The following ASB18 variants were observed in gnomAD, a reference collection of about 807,000 sequenced individuals.
ASB18 encodes the protein ankyrin repeat and SOCS box protein 18.
A neutral mutation model predicts 33.4 loss-of-function variants in ASB18; 33 were observed. The ratio of observed to expected loss-of-function variants is 0.99; its 90% CI spans 0.75 to 1.32. The LOEUF is 1.32. Ranked by LOEUF, ASB18 falls within the 40% of genes most tolerant of loss-of-function variation. The pLI is 0.00. For synonymous variants in ASB18, 295 were observed against 307.6 expected (o/e 0.96, Z 0.43); for missense variants, 694 against 655.5 (o/e 1.06, Z -0.64).
At position 236,255,517 on chromosome 2, in the gene ASB18, T is replaced by TTGCA. The variant is rs772129011; in HGVS notation, c.205+8620_205+8623dup. On this transcript the variant is annotated intron_variant, in intron 1 of 5. Transcript: ENST00000409749. The surrounding 1 kb of genome is among the most constrained non-coding windows in gnomAD (Gnocchi z 4.4). The stretch of plus-strand genomic sequence containing the variant: ...TGTATTTCTTTTTCAGGTGGGCACA[T>TTGCA]TGCATGCCACAGGGATTTTGCTGGT... 6.6e-6 allele frequency among the ~76,000 whole-genome samples: 1 copy of TTGCA among 152,134 alleles called. No individual in the cohort carries two copies. Among genetic ancestry groups the TTGCA allele is most frequent in the Non-Finnish European group, 1.5e-5 (1 of 68,024 alleles).
chr2:236,241,433 C>A lies in ASB18; in HGVS notation c.206-31G>T. 6.2e-7 allele frequency: 1 copy of A among 1,613,676 alleles called. No individual in the cohort carries two copies. The highest frequency in any genetic ancestry group is 8.5e-7 in the Non-Finnish European group (1 of 1,179,724). ...ACCAGGGCAGTGTGGTACTCCTGCA[C>A]CGGGGACCCTGCTCTAGCTTGAGGA... On this transcript the variant is annotated intron_variant, in intron 1 of 5. Transcript: ENST00000409749. The surrounding 1 kb of genome is among the most constrained non-coding windows in gnomAD (Gnocchi z 4.2).
chr2:236,202,794 A>AAAAAAATATAG (rs1553599229), intron 4 of ASB18, among the ~76,000 whole-genome samples: 1 of 117,686 alleles, frequency 8.5e-6, no homozygotes, highest in Non-Finnish European at 1.7e-5. Flanking sequence ...AAAAAAAAAA[A>AAAAAAATATAG]ATATATATAT....
Position 236,235,346 on chromosome 2 carries a change from T to C in ASB18, c.596+2343A>G, listed in dbSNP as rs1368892900. On this transcript the variant is annotated intron_variant, in intron 3 of 5. Coordinates refer to ENST00000409749, the MANE Select transcript of ASB18 (RefSeq NM_212556.4). This position sits in a 1 kb window ranked among gnomAD's most constrained non-coding sequence, Gnocchi z 6.2. ...GTTTGTAGCCTGGGAGCCAGAGGCT[T>C]AATCATATAGCCTAGGTGGGCAGTA... 6.6e-6 allele frequency among the ~76,000 whole-genome samples: 1 copy of C among 152,242 alleles called. No homozygotes were observed. The highest frequency in any genetic ancestry group is 6.5e-5 in the Admixed American group (1 of 15,288).
At chr2:236,201,035 A>G (rs1348169107) in intron 4 of ASB18, among the ~76,000 whole-genome samples, 1 of 152,148 alleles carries the variant, frequency 6.6e-6, no homozygotes, top group African/African-American at 2.4e-5. Context: ...AATAAAGGCA[A>G]CTTTCAAAAT....
rs2060504957 is a variant in ASB18 at position 236,220,273 on chromosome 2, A to G, written c.597-5407T>C. ...TTTCCTAGTCCCTTCCCAGGGCACA[A>G]GGCCTGGAGGCCTCAGCCTGGGCTC... On this transcript the variant is annotated intron_variant, in intron 3 of 5. Transcript: ENST00000409749. This position sits in a 1 kb window ranked among gnomAD's most constrained non-coding sequence, Gnocchi z 5.1. 6.6e-6 allele frequency among the ~76,000 whole-genome samples: 1 copy of G among 152,170 alleles called. No homozygotes were observed. Among genetic ancestry groups the G allele is most frequent in the South Asian group, 2.1e-4 (1 of 4,824 alleles).
chr2:236,220,921 A>G lies in ASB18; in HGVS notation c.597-6055T>C, dbSNP rs1576400835. The stretch of plus-strand genomic sequence containing the variant: ...TCACTCCACAGGAATTCCTGGACAG[A>G]CTCACCGACAGGACACTGAAGGCAG... On this transcript the variant is annotated intron_variant, in intron 3 of 5. Coordinates refer to ENST00000409749, the MANE Select transcript of ASB18 (RefSeq NM_212556.4). The surrounding 1 kb of genome is among the most constrained non-coding windows in gnomAD (Gnocchi z 5.1). Among the ~76,000 whole-genome samples the G allele has an allele frequency of 6.6e-6, 1 of 152,060 alleles. No individual in the cohort carries two copies. Among genetic ancestry groups the G allele is most frequent in the South Asian group, 2.1e-4 (1 of 4,808 alleles).
rs1359842248 is a variant in ASB18, at chr2:236,259,974, T to A, written c.205+4167A>T. Among the ~76,000 whole-genome samples the A allele has an allele frequency of 6.6e-6, 1 of 152,000 alleles. No individual in the cohort carries two copies. The highest frequency in any genetic ancestry group is 1.5e-5 in the Non-Finnish European group (1 of 67,972). On this transcript the variant is annotated intron_variant, in intron 1 of 5. Transcript: ENST00000409749. This position sits in a 1 kb window ranked among gnomAD's most constrained non-coding sequence, Gnocchi z 4.4. Reference sequence around the variant, plus strand: ...ATTGGATGCCACTTTTTCTCTATGCTTTTTTTTGGTGATGTTGACATGGAT... The same window carrying A: ...ATTGGATGCCACTTTTTCTCTATGCATTTTTTTGGTGATGTTGACATGGAT...
chr2:236,218,400 A>G (rs376895398), intron 3 of ASB18, among the ~76,000 whole-genome samples: 2 of 152,240 alleles, frequency 1.3e-5, no homozygotes, highest in African/African-American at 2.4e-5. Context: ...ATTTAATGGC[A>G]TGGAAATACA....
In ASB18 at chr2:236,215,227, G is replaced by A. The variant is rs922055818; in HGVS notation, c.597-361C>T. On this transcript the variant is annotated intron_variant, in intron 3 of 5. Coordinates refer to ENST00000409749, the MANE Select transcript of ASB18 (RefSeq NM_212556.4). The surrounding 1 kb of genome is among the most constrained non-coding windows in gnomAD (Gnocchi z 7.2). Reference sequence around the variant, plus strand: ...GCTCTTTGTCACACCTGGAGGTTAAGGGTTTGGCAGTCACAGTTCTAAGGA... The same window carrying A: ...GCTCTTTGTCACACCTGGAGGTTAAAGGTTTGGCAGTCACAGTTCTAAGGA... Among the ~76,000 whole-genome samples, 2 of 152,110 alleles carry A rather than the reference G, an allele frequency of 1.3e-5. No individual in the cohort carries two copies. Among genetic ancestry groups the A allele is most frequent in the Admixed American group, 6.5e-5 (1 of 15,278 alleles).
rs2060362649 is a variant in ASB18, at chr2:236,194,673, G to A, written c.*199C>T. 6.6e-6 allele frequency among the ~76,000 whole-genome samples: 1 copy of A among 152,210 alleles called. No homozygotes were observed. ...GGATTTTCACAAGCGACCCTGAGAG[G>A]CAGAAAGGGCTTTTGTTGCCAATTC... On this transcript the variant is annotated 3_prime_UTR_variant, in exon 6 of 6. Coordinates refer to ENST00000409749, the MANE Select transcript of ASB18 (RefSeq NM_212556.4). This position sits in a 1 kb window ranked among gnomAD's most constrained non-coding sequence, Gnocchi z 4.5.
rs1216136692 is a variant in ASB18, at chr2:236,250,469, C to T, written c.206-9067G>A. ...CAGACAGGGGCAGGAAGTCATTACT[C>T]TTGTGGACATTGTGAAATTCCGTGC... On this transcript the variant is annotated intron_variant, in intron 1 of 5. Transcript: ENST00000409749. This position sits in a 1 kb window ranked among gnomAD's most constrained non-coding sequence, Gnocchi z 4.1. 1.3e-5 allele frequency: 2 copies of T among 152,260 alleles called. No individual in the cohort carries two copies. The highest frequency in any genetic ancestry group is 1.5e-5 in the Non-Finnish European group (1 of 68,056). 9.4% of individuals were successfully genotyped at this position (152,260 alleles called of 1,614,324 possible). A position where few individuals can be genotyped will look rare whatever the true frequency, so the allele number is the denominator to read the frequency against.
intron 1 of ASB18, chr2:236,247,854 G>A (rs1158060791): frequency 2.0e-5 from 3 of 152,154 alleles, no homozygotes; most frequent in Non-Finnish European, 4.4e-5. Context: ...AAGAGACTTC[G>A]GACAGACTCG....
At chr2:236,243,262 G>A (rs778024084) in intron 1 of ASB18, among the ~76,000 whole-genome samples, 8 of 149,680 alleles carry the variant, frequency 5.3e-5, no homozygotes, top group Non-Finnish European at 8.9e-5. Flanking sequence ...CCCAGGAGAC[G>A]GAGCTTGCAG....
In ASB18 at chr2:236,222,299, T is replaced by A. The variant is rs1435413634; in HGVS notation, c.597-7433A>T. On this transcript the variant is annotated intron_variant, in intron 3 of 5. Coordinates refer to ENST00000409749, the MANE Select transcript of ASB18 (RefSeq NM_212556.4). This position sits in a 1 kb window ranked among gnomAD's most constrained non-coding sequence, Gnocchi z 5.5. The stretch of plus-strand genomic sequence containing the variant: ...TTACAATTGAAATGGCTGATGTGAA[T>A]AGACAAATCCTTCAGGGTAGGAGGG... Among the ~76,000 whole-genome samples, 1 of 152,190 alleles carries A rather than the reference T, an allele frequency of 6.6e-6. No individual in the cohort carries two copies. Among genetic ancestry groups the A allele is most frequent in the Non-Finnish European group, 1.5e-5 (1 of 68,036 alleles).
rs2060597335 is a variant in ASB18 at position 236,237,346 on chromosome 2, GGC to G, written c.596+341_596+342del. Among the ~76,000 whole-genome samples the G allele has an allele frequency of 1.9e-5, 1 of 52,644 alleles. No homozygotes were observed. Among genetic ancestry groups the G allele is most frequent in the African/African-American group, 5.8e-5 (1 of 17,180 alleles). The allele number at this position is 52,644 out of a possible 152,430, so 34.5% of individuals were successfully genotyped here. On this transcript the variant is annotated intron_variant, in intron 3 of 5. Coordinates refer to ENST00000409749, the MANE Select transcript of ASB18 (RefSeq NM_212556.4). The surrounding 1 kb of genome is among the most constrained non-coding windows in gnomAD (Gnocchi z 6.2). ...CGCTAATTAAACCCGCGGGGGCCGG[GGC>G]CGGGGCGCGGGGCGGGGGCCGGGGC...
chr2:236,194,838 G>A lies in ASB18; in HGVS notation c.*34C>T, dbSNP rs1341201563. 1.3e-6 allele frequency: 2 copies of A among 1,580,652 alleles called. No individual in the cohort carries two copies. The highest frequency in any genetic ancestry group is 1.7e-6 in the Non-Finnish European group (2 of 1,158,380). On this transcript the variant is annotated 3_prime_UTR_variant, in exon 6 of 6. Coordinates refer to ENST00000409749, the MANE Select transcript of ASB18 (RefSeq NM_212556.4). This position sits in a 1 kb window ranked among gnomAD's most constrained non-coding sequence, Gnocchi z 4.5. ...ACGGCCTCCATGGAAGGTCAGCGAGGAGAACAACAGTATTGGTTGCAGCGT... is the reference window on the plus strand; with the variant it reads ...ACGGCCTCCATGGAAGGTCAGCGAGAAGAACAACAGTATTGGTTGCAGCGT...
Position 236,196,067 on chromosome 2 carries a change from C to T in ASB18, c.1215+205G>A, listed in dbSNP as rs927962226. On this transcript the variant is annotated intron_variant, in intron 5 of 5. Transcript: ENST00000409749. This position sits in a 1 kb window ranked among gnomAD's most constrained non-coding sequence, Gnocchi z 5.6. ...TCTGAGCTCCTTGAGGCCATGGCAC[C>T]GCAACTACTATAACAAGCTCCTGGC... The T allele has an allele frequency of 4.2e-5, 25 of 593,276 alleles. No homozygotes were observed. The highest frequency in any genetic ancestry group is 8.0e-5 in the Admixed American group (3 of 37,490). The allele number at this position is 593,276 out of a possible 1,614,324, so 36.8% of individuals were successfully genotyped here.
At chr2:236,198,438 G>C (rs1020299483) in intron 4 of ASB18, among the ~76,000 whole-genome samples, 1 of 151,608 alleles carries the variant, frequency 6.6e-6, no homozygotes, top group Non-Finnish European at 1.5e-5. Flanking sequence ...GTATGATCTT[G>C]GCTCACTGCA....
At chr2:236,258,903 A>T (rs1451367290) in intron 1 of ASB18, among the ~76,000 whole-genome samples, 1 of 152,256 alleles carries the variant, frequency 6.6e-6, no homozygotes, top group South Asian at 2.1e-4. Context: ...TTCAAGTAGC[A>T]TCTTGACTTG....
Sources: gnomAD v4.1 joint callset for allele counts (sites outside exome capture counted in the v4.1 genomes callset) on GRCh38, gnomAD v4.1.1 for gene constraint, Gnocchi (gnomAD v3.1) non-coding constraint, MANE v1.5 for transcripts, NCBI Gene and HGNC (gene_info 2026-07-23, HGNC 2026-07-21) for gene names.